The following ECPAS variants were observed in gnomAD, a reference collection of about 807,000 sequenced individuals.
ECPAS encodes the protein proteasome adapter and scaffold protein ECM29.
Under a neutral mutation model 255.1 loss-of-function variants are expected in ECPAS, and 70 were observed. The ratio of observed to expected loss-of-function variants is 0.27; its 90% CI spans 0.23 to 0.33. The LOEUF (loss-of-function observed/expected upper bound fraction) is 0.33. Ranked by LOEUF, ECPAS falls within the 10% of genes least tolerant of loss-of-function variation. The probability of loss-of-function intolerance (pLI) is 1.00; values close to 1 mark genes in which losing one functional copy is unlikely to be tolerated. For synonymous variants in ECPAS, 784 were observed against 775.0 expected, an observed-to-expected ratio of 1.01 and a Z score of -0.19; for missense variants, 1,817 against 2,206.4, an observed-to-expected ratio of 0.82 and a Z score of 3.54.
chr9:111,384,637 C>G (rs2098145185), intron 33 of ECPAS, 68 bp from the exon 34 acceptor site: 1 of 1,402,066 alleles, frequency 7.1e-7, no homozygotes, highest in African/African-American at 1.4e-5. Context: ...CTACAATTTG[C>G]AATTTAATTG....
chr9:111,455,491 G>A (rs13301314), intron 2 of ECPAS, among the ~76,000 whole-genome samples: 75,616 of 151,908 alleles, frequency 0.5, 19,221 homozygotes, highest in African/African-American at 0.58. Flanking sequence ...CTCAGAAAAA[G>A]AAAGAAAGAA....
At chr9:111,365,935 T>C (rs546182763) in intron 48 of ECPAS, 202 of 315,338 alleles carry the variant, frequency 6.4e-4, no homozygotes, top group African/African-American at 4.0e-3. Context: ...ATAAAGTGTA[T>C]ACATATTGCA....
chr9:111,436,957 G>C lies in ECPAS; in HGVS notation c.691C>G (p.Pro231Ala). ...KRVIGDNPWT[P>A]EQLEQCKLGI... ...TGTGATACCTGTTCCAATTGTTCAG[G>C]TGTCCATGGGTTATCACCAATAACT... The change falls in exon 7 of 50, where the codon CCT becomes GCT. Residue 231 changes from proline (P) to alanine (A), a missense_variant. Around this residue, in one of 4 missense-constraint regions of ECPAS, gnomAD observed 573 missense variants for 716.2 expected, o/e 0.80. Coordinates refer to ENST00000684092, the MANE Select transcript of ECPAS (RefSeq NM_001364929.1). 4 of 1,604,998 alleles carry C rather than the reference G, an allele frequency of 2.5e-6. No individual in the cohort carries two copies. Among genetic ancestry groups the C allele is most frequent in the Non-Finnish European group, 3.4e-6 (4 of 1,176,584 alleles).
chr9:111,466,417 C>T (rs567112055), intron 2 of ECPAS, among the ~76,000 whole-genome samples: 19 of 152,090 alleles, frequency 1.2e-4, no homozygotes, highest in African/African-American at 4.6e-4. Context: ...TGCACTCCAG[C>T]CTGGGCGACA....
At chr9:111,462,448 A>G (rs1296850962) in intron 2 of ECPAS, among the ~76,000 whole-genome samples, 1 of 152,226 alleles carries the variant, frequency 6.6e-6, no homozygotes, top group Non-Finnish European at 1.5e-5. Context: ...AGTAGGAGAT[A>G]CTAAAAACTG....
At chr9:111,459,672 A>G (rs1294998366) in intron 2 of ECPAS, among the ~76,000 whole-genome samples, 1 of 152,220 alleles carries the variant, frequency 6.6e-6, no homozygotes, top group Non-Finnish European at 1.5e-5. Flanking sequence ...ATAACTTAGT[A>G]CAAAGTCATA....
At chr9:111,458,033 A>G (rs1486500522) in intron 2 of ECPAS, among the ~76,000 whole-genome samples, 1 of 152,232 alleles carries the variant, frequency 6.6e-6, no homozygotes, top group Non-Finnish European at 1.5e-5. Context: ...AGAAACACAC[A>G]TTAAAAAAGT....
chr9:111,420,223 T>C lies in ECPAS; in HGVS notation c.1456-103A>G, dbSNP rs898623132. ...CAATCAAGATGAGTCTTCCTAACTGTAAACAATTCAAAATTCTAAGGTGAC... is the reference window on the plus strand; with the variant it reads ...CAATCAAGATGAGTCTTCCTAACTGCAAACAATTCAAAATTCTAAGGTGAC... On this transcript the variant is annotated intron_variant, in intron 15 of 49. Transcript: ENST00000684092. 1.6e-5 allele frequency: 11 copies of C among 687,796 alleles called. No individual in the cohort carries two copies. In the African/African-American group the frequency reaches 1.8e-4, roughly 11 times the overall value. The allele number at this position is 687,796 out of a possible 1,614,324, so 42.6% of individuals were successfully genotyped here.
intron 24 of ECPAS, among the ~76,000 whole-genome samples, chr9:111,402,824 A>C (rs921880157): frequency 6.6e-6 from 1 of 152,216 alleles, no homozygotes; most frequent in Non-Finnish European, 1.5e-5. Flanking sequence ...AAACAGATAA[A>C]CTAAAAATAA....
At chr9:111,434,485 T>C (rs2098234723) in intron 7 of ECPAS, among the ~76,000 whole-genome samples, 1 of 151,722 alleles carries the variant, frequency 6.6e-6, no homozygotes, top group South Asian at 2.1e-4. Context: ...ATGTATTACA[T>C]GACAAGTAGA....
At chr9:111,444,058 T>C (rs2098249635) in intron 4 of ECPAS, among the ~76,000 whole-genome samples, 1 of 152,196 alleles carries the variant, frequency 6.6e-6, no homozygotes, top group South Asian at 2.1e-4. Flanking sequence ...TTTCCCTCTA[T>C]TCAGACCCAT....
At chr9:111,441,462 G>T (rs758117557) in intron 5 of ECPAS, among the ~76,000 whole-genome samples, 1 of 151,708 alleles carries the variant, frequency 6.6e-6, no homozygotes. Context: ...CCAAGATTGC[G>T]CCATTGCACT....
intron 12 of ECPAS, among the ~76,000 whole-genome samples, chr9:111,424,220 G>A (rs1328824142): frequency 1.3e-5 from 2 of 152,212 alleles, no homozygotes. Flanking sequence ...CAGCTGCACA[G>A]TAAATAAAGT....
chr9:111,398,511 A>G (rs1228196929), intron 24 of ECPAS, among the ~76,000 whole-genome samples: 2 of 152,220 alleles, frequency 1.3e-5, no homozygotes, highest in Non-Finnish European at 2.9e-5. Context: ...GGGATTCATT[A>G]TATTATTATT....
chr9:111,483,554 G>T (rs926872750), intron 1 of ECPAS: 20 of 971,832 alleles, frequency 2.1e-5, no homozygotes, highest in Non-Finnish European at 2.4e-5. Context: ...GTTGCGCCGG[G>T]GAGGGAACGA....
At position 111,373,368 on chromosome 9, in the gene ECPAS, G is replaced by C. The variant is rs372767972; in HGVS notation, c.4216C>G (p.Arg1406Gly). The C allele has an allele frequency of 6.2e-7, 1 of 1,613,664 alleles. No individual in the cohort carries two copies. Among genetic ancestry groups the C allele is most frequent in the East Asian group, 2.2e-5 (1 of 44,872 alleles). ...MSALLSGLTD[R>G]NSVIQKSCAF... ...CAAGATTTCTGAATCACACTGTTCC[G>C]ATCTGTCAGGCCACTCAGCAAAGCA... Residue 1406 changes from arginine to glycine, a missense_variant, in exon 40 of 50, where the codon CGG (arginine) becomes GGG (glycine). Arg to Gly is a moderately radical substitution (Grantham distance 125). Transcript: ENST00000684092.
At chr9:111,406,409 C>T (rs1483405800) in intron 24 of ECPAS, among the ~76,000 whole-genome samples, 2 of 149,506 alleles carry the variant, frequency 1.3e-5, no homozygotes, top group African/African-American at 5.1e-5. Flanking sequence ...AACTAAAATA[C>T]AGTTACAAAA....
chr9:111,452,871 T>C (rs1005029083), intron 2 of ECPAS, among the ~76,000 whole-genome samples: 4 of 152,174 alleles, frequency 2.6e-5, no homozygotes, highest in South Asian at 4.1e-4. Context: ...CCAAGCTCCT[T>C]GGAAAAAGGT....
rs527614569 is a variant in ECPAS at position 111,388,867 on chromosome 9, G to C, written c.3447+689C>G. 2.2e-3 allele frequency among the ~76,000 whole-genome samples: 336 copies of C among 152,144 alleles called. 2 individuals carry two copies. The highest frequency in any genetic ancestry group is 6.8e-3 in the Middle Eastern group (2 of 292). ...AAATAGGTAAACAGTGAGAGTAGAG[G>C]GGGAAGGTTATTTTTTAAGTCCTGT... On this transcript the variant is annotated intron_variant, in intron 31 of 49. Transcript: ENST00000684092.
Sources: gnomAD v4.1 joint callset for allele counts (sites outside exome capture counted in the v4.1 genomes callset) on GRCh38, gnomAD v4.1.1 for gene constraint, gnomAD v4.1.1 regional missense constraint, MANE v1.5 for transcripts, NCBI Gene and HGNC (gene_info 2026-07-23, HGNC 2026-07-21) for gene names.